The following AGTRAP variants were observed in gnomAD, a reference collection of about 807,000 sequenced individuals.
AGTRAP encodes the protein angiotensin II receptor associated protein, also known as type-1 angiotensin II receptor-associated protein.
In AGTRAP, 7 loss-of-function variants were observed where a neutral mutation model predicts 15.2. The ratio of observed to expected loss-of-function variants is 0.46; its 90% CI spans 0.26 to 0.87. The LOEUF (loss-of-function observed/expected upper bound fraction) is 0.87. AGTRAP is among the 40% of genes least tolerant of loss of function. The pLI is 0.15. For synonymous variants in AGTRAP, 74 were observed against 89.6 expected (o/e 0.83, Z 0.98); for missense variants, 187 against 213.4 (o/e 0.88, Z 0.77).
chr1:11,748,406 G>A lies in AGTRAP; in HGVS notation c.169-9G>A, dbSNP rs758567013. 1.2e-6 allele frequency: 2 copies of A among 1,612,772 alleles called. No individual in the cohort carries two copies. Among genetic ancestry groups the A allele is most frequent in the Non-Finnish European group, 1.7e-6 (2 of 1,179,486 alleles). ...GGTGTTGTGCTCATCAGTGTGGTGT[G>A]TCTTGCAGTTTCTGGGTGGCTTGCT... On this transcript the variant is annotated splice_polypyrimidine_tract_variant and intron_variant, in intron 3 of 4. Coordinates refer to ENST00000314340, the MANE Select transcript of AGTRAP (RefSeq NM_020350.5).
chr1:11,750,084 T>C lies in AGTRAP; in HGVS notation c.372T>C (p.Leu124=), dbSNP rs1254770232. The change falls in exon 5 of 5, where the codon CTT becomes CTC. Residue 124 remains leucine, a synonymous_variant. Coordinates refer to ENST00000314340, the MANE Select transcript of AGTRAP (RefSeq NM_020350.5). The part of the protein sequence containing the change: ...GGELLVHTGF[L]GSSQDRSAYQ... Reference sequence around the variant, plus strand: ...ATGTCCCCTGTCACCTAGGTTTCCTTGGGTCTTCTCAGGACCGTAGTGCCT... The same window carrying C: ...ATGTCCCCTGTCACCTAGGTTTCCTCGGGTCTTCTCAGGACCGTAGTGCCT... 1.2e-6 allele frequency: 2 copies of C among 1,613,778 alleles called. No homozygotes were observed. Among genetic ancestry groups the C allele is most frequent in the South Asian group, 2.2e-5 (2 of 91,062 alleles).
Position 11,748,446 on chromosome 1 carries a change from T to C in AGTRAP, c.200T>C (p.Leu67Pro). ...FLGGLLATIFLDIVHISIFYP... is the reference protein window; with the variant it reads ...FLGGLLATIFPDIVHISIFYP... The stretch of plus-strand genomic sequence containing the variant: ...GGTGGCTTGCTGGCCACCATCTTCC[T>C]GGACATCGTGCACATCAGCATCTTC... The change falls in exon 4 of 5, where the codon CTG becomes CCG. Residue 67 changes from leucine to proline, a missense_variant. Leu to Pro is a moderately conservative substitution (Grantham distance 98, BLOSUM62 -3). Coordinates refer to ENST00000314340, the MANE Select transcript of AGTRAP (RefSeq NM_020350.5). 2 of 1,613,884 alleles carry C rather than the reference T, an allele frequency of 1.2e-6. No homozygotes were observed. Among genetic ancestry groups the C allele is most frequent in the Non-Finnish European group, 1.7e-6 (2 of 1,179,976 alleles).
At chr1:11,739,353 C>T (rs887381079) in intron 1 of AGTRAP, among the ~76,000 whole-genome samples, 2 of 152,084 alleles carry the variant, frequency 1.3e-5, no homozygotes, top group African/African-American at 4.8e-5. Context: ...GAGTTCGAGA[C>T]CAGCCTGGCC....
At chr1:11,746,876 C>CT (rs548696101) in intron 2 of AGTRAP, among the ~76,000 whole-genome samples, 186 of 152,276 alleles carry the variant, frequency 1.2e-3, no homozygotes, top group African/African-American at 4.4e-3. Flanking sequence ...TAGGGCGGGC[C>CT]TTGTGTTAGG....
At chr1:11,739,263 A>G (rs1408967473) in intron 1 of AGTRAP, among the ~76,000 whole-genome samples, 1 of 152,206 alleles carries the variant, frequency 6.6e-6, no homozygotes. Flanking sequence ...TTACAAATTC[A>G]GGCTGGGCCA....
chr1:11,748,407 T>A lies in AGTRAP; in HGVS notation c.169-8T>A. 1 of 1,612,798 alleles carries A rather than the reference T, an allele frequency of 6.2e-7. No homozygotes were observed. The highest frequency in any genetic ancestry group is 8.5e-7 in the Non-Finnish European group (1 of 1,179,458). ...GTGTTGTGCTCATCAGTGTGGTGTG[T>A]CTTGCAGTTTCTGGGTGGCTTGCTG... is the stretch of plus-strand genomic sequence containing the variant. On this transcript the variant is annotated splice_polypyrimidine_tract_variant and splice_region_variant and intron_variant, in intron 3 of 4. Coordinates refer to ENST00000314340, the MANE Select transcript of AGTRAP (RefSeq NM_020350.5).
intron 3 of AGTRAP, 23 bp from the exon 4 acceptor site, chr1:11,748,392 C>T (rs776100589): frequency 1.1e-5 from 18 of 1,607,906 alleles, no homozygotes; most frequent in Non-Finnish European, 1.4e-5. Context: ...GTGTTGTGCT[C>T]ATCAGTGTGG....
intron 1 of AGTRAP, among the ~76,000 whole-genome samples, chr1:11,741,076 C>T (rs972956788): frequency 1.3e-5 from 2 of 151,716 alleles, no homozygotes; most frequent in African/African-American, 4.9e-5. Context: ...GTCCCTCCCT[C>T]CTCCACTCCC....
chr1:11,739,941 C>A (rs1041846690), intron 1 of AGTRAP, among the ~76,000 whole-genome samples: 1 of 152,246 alleles, frequency 6.6e-6, no homozygotes, highest in African/African-American at 2.4e-5. Flanking sequence ...TGGACCAGCA[C>A]CCAGGTTTCC....
chr1:11,737,365 A>G (rs1390532806), intron 1 of AGTRAP, among the ~76,000 whole-genome samples: 6 of 152,184 alleles, frequency 3.9e-5, no homozygotes, highest in African/African-American at 7.2e-5. Flanking sequence ...TATGCACTCT[A>G]TTCCAGGCAA....
At chr1:11,744,852 A>G (rs1642122277) in intron 1 of AGTRAP, among the ~76,000 whole-genome samples, 1 of 152,114 alleles carries the variant, frequency 6.6e-6, no homozygotes, top group Non-Finnish European at 1.5e-5. Flanking sequence ...AAATTAATTA[A>G]TTAATTAATT....
chr1:11,748,648 C>T (rs753762225), intron 4 of AGTRAP, 38 bp downstream of exon 4: 8 of 1,584,256 alleles, frequency 5.0e-6, no homozygotes, highest in African/African-American at 4.0e-5. Flanking sequence ...TCACCGCTCC[C>T]TTCTCTCCCT....
chr1:11,740,018 T>G (rs1467165255), intron 1 of AGTRAP, among the ~76,000 whole-genome samples: 3 of 152,194 alleles, frequency 2.0e-5, no homozygotes, highest in Admixed American at 2.0e-4. Flanking sequence ...GGGAAAGAGC[T>G]GGGCGGCCTC....
rs1478554690 is a variant in AGTRAP at position 11,736,174 on chromosome 1, C to T, written c.-35C>T. The T allele has an allele frequency of 1.3e-6, 2 of 1,591,660 alleles. No homozygotes were observed. Among genetic ancestry groups the T allele is most frequent in the Non-Finnish European group, 1.7e-6 (2 of 1,170,398 alleles). ...GAGTTCGGAGCCTAGGAGCCCCCCG[C>T]GGCTGCGGCGCAGGTGCCCTCGGCC... On this transcript the variant is annotated 5_prime_UTR_variant, in exon 1 of 5. Coordinates refer to ENST00000314340, the MANE Select transcript of AGTRAP (RefSeq NM_020350.5).
intron 1 of AGTRAP, among the ~76,000 whole-genome samples, chr1:11,743,288 C>T (rs1642076467): frequency 6.6e-6 from 1 of 151,962 alleles, no homozygotes; most frequent in Non-Finnish European, 1.5e-5. Context: ...CTCTGTCACC[C>T]AAGCTGGAGT....
Position 11,740,613 on chromosome 1 carries a change from A to G in AGTRAP, c.27+4378A>G, listed in dbSNP as rs559274369. 5.3e-5 allele frequency among the ~76,000 whole-genome samples: 8 copies of G among 152,268 alleles called. No homozygotes were observed. The South Asian group carries it at 1.7e-3, about 32-fold the overall frequency. On this transcript the variant is annotated intron_variant, in intron 1 of 4. Coordinates refer to ENST00000314340, the MANE Select transcript of AGTRAP (RefSeq NM_020350.5). ...CAGCGCTAGGAAAAGCCTTTACCTC[A>G]TAGGTTGTAAGCATGACCCTTAGGG...
Position 11,746,374 on chromosome 1 carries a change from T to A in AGTRAP, c.62+537T>A, listed in dbSNP as rs898645696. On this transcript the variant is annotated intron_variant, in intron 2 of 4. Coordinates refer to ENST00000314340, the MANE Select transcript of AGTRAP (RefSeq NM_020350.5). Reference sequence around the variant, plus strand: ...GCTTTCTTAAAAGCAAAAGATAAGATGGTTTATTCAAAGACCTATTGAACC... The same window carrying A: ...GCTTTCTTAAAAGCAAAAGATAAGAAGGTTTATTCAAAGACCTATTGAACC... 8 of 667,702 alleles carry A rather than the reference T, an allele frequency of 1.2e-5. No individual in the cohort carries two copies. The Admixed American group carries it at 1.5e-4, about 12-fold the overall frequency. 41.4% of individuals were successfully genotyped at this position (667,702 alleles called of 1,614,324 possible).
At chr1:11,741,219 A>C (rs1570339652) in intron 1 of AGTRAP, among the ~76,000 whole-genome samples, 7 of 138,108 alleles carry the variant, frequency 5.1e-5, no homozygotes, top group African/African-American at 8.5e-5. Context: ...AGCCTCCCCC[A>C]TCCCTTCCTC....
chr1:11,747,661 C>G, intron 3 of AGTRAP, 116 bp downstream of exon 3: 1 of 1,090,750 alleles, frequency 9.2e-7, no homozygotes, highest in South Asian at 1.4e-5. Context: ...TGGGCCACCA[C>G]TTCCCATTGT....
Sources: allele counts gnomAD v4.1 joint callset (sites outside exome capture counted in the v4.1 genomes callset), GRCh38; gene constraint gnomAD v4.1.1; transcripts MANE v1.5; gene names NCBI Gene and HGNC (gene_info 2026-07-23, HGNC 2026-07-21).